Variants in STEAP2 observed in about 807,000 individuals in gnomAD.
STEAP2 encodes metalloreductase STEAP2.
In STEAP2, 30 loss-of-function variants were observed where a neutral mutation model predicts 46.4. The observed-to-expected ratio is 0.65, with a 90% CI of 0.48 to 0.88. The LOEUF (loss-of-function observed/expected upper bound fraction) is 0.88. Ranked by LOEUF, STEAP2 falls within the 40% of genes least tolerant of loss-of-function variation. The pLI, the probability that STEAP2 is intolerant of heterozygous loss-of-function variation, is 0.00. For synonymous variants in STEAP2, 180 were observed against 200.5 expected, an observed-to-expected ratio of 0.90 and a Z score of 0.86; for missense variants, 513 against 579.3, an observed-to-expected ratio of 0.89 and a Z score of 1.18.
Position 90,233,802 on chromosome 7 carries a change from T to A in STEAP2, c.*1178T>A, listed in dbSNP as rs1795855863. ...GCGCCCCTATGCATTATGTTCACAATGCCAATCTAGATGCTTCCTCTTTTG... is the reference window on the plus strand; with the variant it reads ...GCGCCCCTATGCATTATGTTCACAAAGCCAATCTAGATGCTTCCTCTTTTG... On this transcript the variant is annotated 3_prime_UTR_variant, in exon 6 of 6. Coordinates refer to ENST00000394621, the MANE Select transcript of STEAP2 (RefSeq NM_001244944.2). 1.0e-6 allele frequency: 1 copy of A among 985,312 alleles called. No individual in the cohort carries two copies. Among genetic ancestry groups the A allele is most frequent in the African/African-American group, 1.7e-5 (1 of 57,246 alleles). The allele number at this position is 985,312 out of a possible 1,614,324, so 61.0% of individuals were successfully genotyped here. A position where few individuals can be genotyped will look rare whatever the true frequency, so the allele number is the denominator to read the frequency against.
chr7:90,216,933 T>G (rs935047328), intron 2 of STEAP2, among the ~76,000 whole-genome samples: 2 of 152,206 alleles, frequency 1.3e-5, no homozygotes, highest in African/African-American at 4.8e-5. Context: ...ACTGCTTTAG[T>G]AGCTCATTCA....
At position 90,236,396 on chromosome 7, in the gene STEAP2, A is replaced by C. The variant is rs1795961296; in HGVS notation, c.*3772A>C. 1.0e-6 allele frequency: 1 copy of C among 984,850 alleles called. No homozygotes were observed. Among genetic ancestry groups the C allele is most frequent in the Admixed American group, 6.1e-5 (1 of 16,266 alleles). The allele number at this position is 984,850 out of a possible 1,614,324, so 61.0% of individuals were successfully genotyped here. A position where few individuals can be genotyped will look rare whatever the true frequency, so the allele number is the denominator to read the frequency against. On this transcript the variant is annotated 3_prime_UTR_variant, in exon 6 of 6. Coordinates refer to ENST00000394621, the MANE Select transcript of STEAP2 (RefSeq NM_001244944.2). ...AATTATTTTGTAAATCCATGACTTA[A>C]AACAAGATACATACATAGTATAACA...
Position 90,237,522 on chromosome 7 carries a change from CA to C in STEAP2, c.*4902del, listed in dbSNP as rs1406837337. The C allele has an allele frequency of 6.5e-6, 1 of 153,042 alleles. No individual in the cohort carries two copies. The highest frequency in any genetic ancestry group is 1.9e-4 in the East Asian group (1 of 5,218). 9.5% of individuals were successfully genotyped at this position (153,042 alleles called of 1,614,324 possible). A position where few individuals can be genotyped will look rare whatever the true frequency, so the allele number is the denominator to read the frequency against. On this transcript the variant is annotated 3_prime_UTR_variant, in exon 6 of 6. Coordinates refer to ENST00000394621, the MANE Select transcript of STEAP2 (RefSeq NM_001244944.2). ...GTAATTACTAAAACTCTGTAATCTCCAAAATATTGCTATCAAATTACACACC... is the reference window on the plus strand; with the variant it reads ...GTAATTACTAAAACTCTGTAATCTCCAAATATTGCTATCAAATTACACACC...
intron 2 of STEAP2, among the ~76,000 whole-genome samples, chr7:90,220,459 G>A (rs1364158183): frequency 6.6e-6 from 1 of 152,076 alleles, no homozygotes; most frequent in Admixed American, 6.6e-5. Context: ...ATGTATTTCT[G>A]TGGTATCAAT....
chr7:90,225,615 TGTA>T (rs1795456631), intron 3 of STEAP2, 41 bp downstream of exon 3: 1 of 1,517,150 alleles, frequency 6.6e-7, no homozygotes, highest in African/African-American at 1.4e-5. Flanking sequence ...TCTGGTATTT[TGTA>T]GTTAAACAAC....
At chr7:90,240,052 G>A (rs575896871), downstream of STEAP2, among the ~76,000 whole-genome samples, 15 of 152,194 alleles carry the variant, frequency 9.9e-5, no homozygotes, top group Middle Eastern at 3.4e-3. The surrounding 1 kb of genome is among the most constrained non-coding windows in gnomAD (Gnocchi z 4.1). Context: ...TGGGCAGATC[G>A]TTTGAACCCA....
chr7:90,234,796 G>A lies in STEAP2; in HGVS notation c.*2172G>A, dbSNP rs1008622702. The A allele has an allele frequency of 5.0e-5, 41 of 817,224 alleles. No individual in the cohort carries two copies. Among genetic ancestry groups the A allele is most frequent in the Admixed American group, 1.2e-4 (2 of 16,018 alleles). 50.6% of individuals were successfully genotyped at this position (817,224 alleles called of 1,614,324 possible). A position where few individuals can be genotyped will look rare whatever the true frequency, so the allele number is the denominator to read the frequency against. Reference sequence around the variant, plus strand: ...TCTCGATCTCCTGACCTCGTGATCCGCCCGCCTTGGCCTCCAAAGTGCTGG... The same window carrying A: ...TCTCGATCTCCTGACCTCGTGATCCACCCGCCTTGGCCTCCAAAGTGCTGG... On this transcript the variant is annotated 3_prime_UTR_variant, in exon 6 of 6. Coordinates refer to ENST00000394621, the MANE Select transcript of STEAP2 (RefSeq NM_001244944.2).
rs374457285 is a variant in STEAP2, at chr7:90,227,450, G to A, written c.972G>A (p.Pro324=). 1.2e-5 allele frequency: 20 copies of A among 1,602,028 alleles called. No homozygotes were observed. The highest frequency in any genetic ancestry group is 1.1e-4 in the African/African-American group (8 of 74,640). ...MVHVAYSLCL[P]MRRSERYLFL... Reference sequence around the variant, plus strand: ...ATGTTGCCTACAGCCTCTGCTTACCGATGAGAAGGTCAGAGAGATATTTGT... The same window carrying A: ...ATGTTGCCTACAGCCTCTGCTTACCAATGAGAAGGTCAGAGAGATATTTGT... Residue 324 remains proline (P), a synonymous_variant, in exon 4 of 6, where the codon CCG becomes CCA. Coordinates refer to ENST00000394621, the MANE Select transcript of STEAP2 (RefSeq NM_001244944.2).
chr7:90,237,064 C>T lies in STEAP2; in HGVS notation c.*4440C>T. 8.9e-7 allele frequency: 1 copy of T among 1,124,574 alleles called. No homozygotes were observed. Among genetic ancestry groups the T allele is most frequent in the Non-Finnish European group, 1.3e-6 (1 of 777,400 alleles). The allele number at this position is 1,124,574 out of a possible 1,614,324, so 69.7% of individuals were successfully genotyped here. On this transcript the variant is annotated 3_prime_UTR_variant, in exon 6 of 6. Transcript: ENST00000394621. ...ATGAAGTCTCCTCAAAGGAAGGCAG[C>T]ATGTGTCCTTTTTCATCCCTTCATC...
chr7:90,215,600 C>G (rs1192458511), intron 1 of STEAP2: 1 of 152,190 alleles, frequency 6.6e-6, no homozygotes, highest in Non-Finnish European at 1.5e-5. Flanking sequence ...CATTATTACA[C>G]AGCTTCAAGA....
At chr7:90,222,639 G>C (rs1795297894) in intron 2 of STEAP2, among the ~76,000 whole-genome samples, 1 of 152,056 alleles carries the variant, frequency 6.6e-6, no homozygotes, top group Non-Finnish European at 1.5e-5. Context: ...TGGTTGTGGG[G>C]ATTCAATCAG....
chr7:90,216,692 C>T (rs1382855290), intron 2 of STEAP2, 89 bp downstream of exon 2: 1 of 152,164 alleles, frequency 6.6e-6, no homozygotes, highest in Admixed American at 6.6e-5. Flanking sequence ...AAAGCCACAT[C>T]TACTATCGCC....
At chr7:90,229,398 T>C (rs951409202) in intron 4 of STEAP2, among the ~76,000 whole-genome samples, 3 of 152,176 alleles carry the variant, frequency 2.0e-5, no homozygotes, top group African/African-American at 7.2e-5. Flanking sequence ...ATTCATGTGA[T>C]GGAAGAAGAT....
At chr7:90,232,311 TC>T in intron 5 of STEAP2, 25 bp from the exon 6 acceptor site, 6 of 1,532,960 alleles carry the variant, frequency 3.9e-6, no homozygotes, top group Non-Finnish European at 5.3e-6. Flanking sequence ...ATTCTTTGTT[TC>T]TTTTCCTTCC....
intron 2 of STEAP2, among the ~76,000 whole-genome samples, chr7:90,221,066 T>C (rs993434303): frequency 6.6e-6 from 1 of 152,178 alleles, no homozygotes; most frequent in African/African-American, 2.4e-5. Context: ...AGAGAATGTC[T>C]ATGTGCTGAT....
At chr7:90,232,141 A>G (rs1327473222) in intron 5 of STEAP2, among the ~76,000 whole-genome samples, 196 bp from the exon 6 acceptor site, 1 of 151,974 alleles carries the variant, frequency 6.6e-6, no homozygotes, top group African/African-American at 2.4e-5. Flanking sequence ...AGGTGTGCAT[A>G]TAAATAATAC....
At position 90,236,265 on chromosome 7, in the gene STEAP2, TAAGTA is replaced by T. The variant is rs1186869436; in HGVS notation, c.*3644_*3648del. The stretch of plus-strand genomic sequence containing the variant: ...TTTAAATAAAGTATCATAAATGTAA[TAAGTA>T]AATATTTATTTAGGAATACTGTGAA... On this transcript the variant is annotated 3_prime_UTR_variant, in exon 6 of 6. Coordinates refer to ENST00000394621, the MANE Select transcript of STEAP2 (RefSeq NM_001244944.2). 1 of 911,118 alleles carries T rather than the reference TAAGTA, an allele frequency of 1.1e-6. No homozygotes were observed. The allele number at this position is 911,118 out of a possible 1,614,324, so 56.4% of individuals were successfully genotyped here.
At chr7:90,241,781 C>G (rs1453437262), downstream of STEAP2, among the ~76,000 whole-genome samples, 1 of 152,170 alleles carries the variant, frequency 6.6e-6, no homozygotes, top group Non-Finnish European at 1.5e-5. Flanking sequence ...ATTGCTGAAC[C>G]AGTTGATACC....
chr7:90,238,906 T>G (rs1231238520), downstream of STEAP2, among the ~76,000 whole-genome samples: 1 of 152,206 alleles, frequency 6.6e-6, no homozygotes, highest in Non-Finnish European at 1.5e-5. Flanking sequence ...AGATTCACAT[T>G]GATCAAATGT....
Sources: gnomAD v4.1 joint callset for allele counts (sites outside exome capture counted in the v4.1 genomes callset) on GRCh38, gnomAD v4.1.1 for gene constraint, Gnocchi (gnomAD v3.1) non-coding constraint, MANE v1.5 for transcripts, NCBI Gene and HGNC (gene_info 2026-07-23, HGNC 2026-07-21) for gene names.